Variants in FBXL2 observed in about 807,000 individuals in gnomAD.
The protein encoded by FBXL2 is F-box and leucine rich repeat protein 2.
In FBXL2, 38 loss-of-function variants were observed where a neutral mutation model predicts 69.2. The observed-to-expected ratio is 0.55, with a 90% CI of 0.42 to 0.72. FBXL2 has a LOEUF of 0.72. Among genes scored for constraint, FBXL2 ranks in the 30% least tolerant of loss-of-function variants. The pLI, the probability that FBXL2 is intolerant of heterozygous loss-of-function variation, is 0.00. For missense variants in FBXL2, 354 were observed against 520.3 expected, an observed-to-expected ratio of 0.68 and a Z score of 3.11; for synonymous variants, 192 against 201.3, an observed-to-expected ratio of 0.95 and a Z score of 0.39.
chr3:33,326,477 G>A (rs1475561878), intron 2 of FBXL2, among the ~76,000 whole-genome samples: 1 of 150,418 alleles, frequency 6.6e-6, no homozygotes, highest in Non-Finnish European at 1.5e-5. Context: ...CTGCACTCCA[G>A]CCTGGGCCAC....
intron 1 of FBXL2, among the ~76,000 whole-genome samples, chr3:33,288,845 T>C (rs775852348): frequency 8.5e-5 from 13 of 152,220 alleles, no homozygotes; most frequent in African/African-American, 1.2e-4. Flanking sequence ...ATATGACTTA[T>C]ATTTTATAAG....
chr3:33,342,707 ACTT>A (rs1284246214), intron 2 of FBXL2, among the ~76,000 whole-genome samples: 4 of 104,850 alleles, frequency 3.8e-5, no homozygotes, highest in African/African-American at 1.1e-4. Flanking sequence ...AACAAATATA[ACTT>A]CTTTTTTTTT....
chr3:33,277,606 G>T, intron 1 of FBXL2, 91 bp downstream of exon 1: 5 of 1,209,626 alleles, frequency 4.1e-6, no homozygotes, highest in Non-Finnish European at 5.2e-6. Context: ...TCGGGCAGGC[G>T]GCGCAGGGGT....
chr3:33,377,026 C>A (rs186299000), intron 10 of FBXL2, among the ~76,000 whole-genome samples: 41 of 152,008 alleles, frequency 2.7e-4, no homozygotes, highest in Middle Eastern at 3.4e-3. Flanking sequence ...AAAAACAAAA[C>A]CAAAAAACAA....
Position 33,342,711 on chromosome 3 carries a change from C to CTTTTTTTTTTTTTTT in FBXL2, c.66-16238_66-16224dup, listed in dbSNP as rs71070130. Among the ~76,000 whole-genome samples, 17 of 37,926 alleles carry CTTTTTTTTTTTTTTT rather than the reference C, an allele frequency of 4.5e-4. 6 individuals carry two copies. Among genetic ancestry groups the CTTTTTTTTTTTTTTT allele is most frequent in the African/African-American group, 1.0e-3 (9 of 8,900 alleles). 24.9% of individuals were successfully genotyped at this position (37,926 alleles called of 152,430 possible). ...GATTCTTGCAAAACAAATATAACTT[C>CTTTTTTTTTTTTTTT]TTTTTTTTTTTTTTTTTTTTTTTTT... On this transcript the variant is annotated intron_variant, in intron 2 of 14. Transcript: ENST00000484457.
At chr3:33,409,223 T>G in the FBXL2 span, 2 of 1,612,010 alleles carry the variant, frequency 1.2e-6, no homozygotes, top group Non-Finnish European at 1.7e-6. Context: ...AACCAAATGC[T>G]TTACTACATT....
intron 1 of FBXL2, among the ~76,000 whole-genome samples, chr3:33,281,228 T>C (rs184775581): frequency 2.0e-5 from 3 of 152,056 alleles, no homozygotes. Context: ...CAGTGTGTGA[T>C]GTTCCCCACC....
rs759723075 is a variant in FBXL2, at chr3:33,384,199, C to T, written c.1162C>T (p.Arg388Trp). 32 of 1,613,522 alleles carry T rather than the reference C, an allele frequency of 2.0e-5. No individual in the cohort carries two copies. Among genetic ancestry groups the T allele is most frequent in the Non-Finnish European group, 2.6e-5 (31 of 1,179,836 alleles). The change falls in exon 14 of 15, where the codon CGG becomes TGG. Residue 388 changes from arginine (R) to tryptophan (W), a missense_variant and splice_region_variant. Arg to Trp is a moderately radical substitution (Grantham distance 101). Coordinates refer to ENST00000484457, the MANE Select transcript of FBXL2 (RefSeq NM_012157.5). Reference protein sequence around the residue: ...QVTRAGIKRMRAQLPHVKVHA... With the variant: ...QVTRAGIKRMWAQLPHVKVHA... ...TACCCGTGCAGGCATCAAGCGGATG[C>T]GGGTAGGTATGGGGCAGGGGAGTCA... is the stretch of plus-strand genomic sequence containing the variant.
downstream of FBXL2, chr3:33,393,000 G>T (rs575136707): frequency 1.9e-4 from 61 of 329,288 alleles, 2 homozygotes; most frequent in Admixed American, 1.6e-3. Flanking sequence ...TAGACAAAAG[G>T]AAAACACATC....
chr3:33,298,696 C>CAAAAAA (rs1158732530), intron 2 of FBXL2, among the ~76,000 whole-genome samples: 1 of 47,256 alleles, frequency 2.1e-5, no homozygotes, highest in African/African-American at 7.9e-5. Flanking sequence ...AACTCTGTCT[C>CAAAAAA]AAAAAAAAAA....
At chr3:33,333,989 C>G (rs879653392) in intron 2 of FBXL2, among the ~76,000 whole-genome samples, 2 of 152,038 alleles carry the variant, frequency 1.3e-5, no homozygotes, top group Non-Finnish European at 2.9e-5. Context: ...TCTAAGTGTA[C>G]TTTTAGCTGT....
intron 2 of FBXL2, among the ~76,000 whole-genome samples, chr3:33,344,819 TTAAG>T (rs910879928): frequency 6.6e-6 from 1 of 152,108 alleles, no homozygotes; most frequent in Non-Finnish European, 1.5e-5. Context: ...CTAAAACTGA[TTAAG>T]AAAAGAAAGA....
At chr3:33,384,297 A>C in intron 14 of FBXL2, 96 bp downstream of exon 14, 50 of 1,226,576 alleles carry the variant, frequency 4.1e-5, no homozygotes, top group Non-Finnish European at 5.3e-5. Flanking sequence ...GCGGTGGCTC[A>C]CGCCTGTAAT....
intron 2 of FBXL2, among the ~76,000 whole-genome samples, chr3:33,322,574 A>G (rs930513729): frequency 2.6e-5 from 4 of 152,226 alleles, no homozygotes; most frequent in Non-Finnish European, 5.9e-5. Context: ...TACAGCATGT[A>G]CCATTTTTAT....
chr3:33,410,944 ACACCTGTAATCCCAG>A, the FBXL2 span, among the ~76,000 whole-genome samples: 145 of 151,984 alleles, frequency 9.5e-4, no homozygotes, highest in Non-Finnish European at 1.7e-3. Flanking sequence ...ATTGTGGTGC[ACACCTGTAATCCCAG>A]CTACTCAGGA....
At chr3:33,277,328 G>A, upstream of FBXL2, 1 of 452,038 alleles carries the variant, frequency 2.2e-6, no homozygotes, top group Middle Eastern at 5.4e-4. Context: ...TTCCAGGGCC[G>A]GGGGCGAGGG....
Position 33,333,923 on chromosome 3 carries a change from A to AT in FBXL2, c.66-25034dup, listed in dbSNP as rs551474439. On this transcript the variant is annotated intron_variant, in intron 2 of 14. Coordinates refer to ENST00000484457, the MANE Select transcript of FBXL2 (RefSeq NM_012157.5). ...CCCTTCTATATCACTTACTAACAAGATTTTTTTTTTAATATAGTGGCTCAA... is the reference window on the plus strand; with the variant it reads ...CCCTTCTATATCACTTACTAACAAGATTTTTTTTTTTAATATAGTGGCTCAA... Among the ~76,000 whole-genome samples, 538 of 150,460 alleles carry AT rather than the reference A, an allele frequency of 3.6e-3. 1 individual carries two copies. The highest frequency in any genetic ancestry group is 9.6e-3 in the South Asian group (45 of 4,710).
chr3:33,367,448 G>A (rs1278875041), intron 5 of FBXL2, among the ~76,000 whole-genome samples: 8 of 152,118 alleles, frequency 5.3e-5, no homozygotes, highest in African/African-American at 1.7e-4. Context: ...GGTAGTCTGC[G>A]TCTTTCAAGG....
intron 4 of FBXL2, among the ~76,000 whole-genome samples, chr3:33,363,357 A>G (rs1391428495): frequency 6.6e-6 from 1 of 152,180 alleles, no homozygotes; most frequent in African/African-American, 2.4e-5. Flanking sequence ...GTTTTGATGT[A>G]TCCTGGTGAA....
Sources: gnomAD v4.1 joint callset for allele counts (sites outside exome capture counted in the v4.1 genomes callset) on GRCh38, gnomAD v4.1.1 for gene constraint, MANE v1.5 for transcripts, NCBI Gene and HGNC (gene_info 2026-07-23, HGNC 2026-07-21) for gene names.